Variants in GALNT17 observed in about 807,000 individuals in gnomAD.
GALNT17 encodes the protein polypeptide N-acetylgalactosaminyltransferase 17.
In GALNT17, 29 loss-of-function variants were observed where a neutral mutation model predicts 63.7. The ratio of observed to expected loss-of-function variants is 0.46; its 90% CI spans 0.34 to 0.62. The LOEUF (loss-of-function observed/expected upper bound fraction) is 0.62. GALNT17 is among the 20% of genes least tolerant of loss of function. The pLI is 0.01. For missense variants in GALNT17, 603 were observed against 799.6 expected (o/e 0.75, Z 2.97); for synonymous variants, 305 against 318.3 (o/e 0.96, Z 0.45).
At chr7:71,493,099 A>G (rs2116678512) in intron 5 of GALNT17, among the ~76,000 whole-genome samples, 1 of 152,334 alleles carries the variant, frequency 6.6e-6, no homozygotes, top group Non-Finnish European at 1.5e-5. Flanking sequence ...CAGGTAGTAG[A>G]CTGTCAGGCT....
chr7:71,427,680 T>C (rs748484506), intron 5 of GALNT17, among the ~76,000 whole-genome samples: 6 of 152,078 alleles, frequency 3.9e-5, no homozygotes, highest in Non-Finnish European at 8.8e-5. Context: ...GGACCAGGGC[T>C]GGTCCTGGTC....
At position 71,579,036 on chromosome 7, in the gene GALNT17, C is replaced by T. The variant is rs915054701; in HGVS notation, c.1080+7634C>T. Among the ~76,000 whole-genome samples the T allele has an allele frequency of 5.3e-5, 8 of 152,160 alleles. No homozygotes were observed. In the East Asian group the frequency reaches 1.2e-3, roughly 22 times the overall value. On this transcript the variant is annotated intron_variant, in intron 6 of 10. Coordinates refer to ENST00000333538, the MANE Select transcript of GALNT17 (RefSeq NM_022479.3). The stretch of plus-strand genomic sequence containing the variant: ...CCCAGAGAGGACCAGATGATCAGTC[C>T]GTTTTCATTTTCATACTTTTTAGAT...
chr7:71,207,247 A>G (rs1789289563), intron 1 of GALNT17, among the ~76,000 whole-genome samples: 1 of 152,220 alleles, frequency 6.6e-6, no homozygotes, highest in Non-Finnish European at 1.5e-5. Context: ...ACGTATGTTT[A>G]TATTTTAATG....
At chr7:71,709,734 G>A (rs1003058952) in intron 9 of GALNT17, among the ~76,000 whole-genome samples, 1 of 152,070 alleles carries the variant, frequency 6.6e-6, no homozygotes, top group African/African-American at 2.4e-5. Context: ...GAATAGCTTG[G>A]ATTATAGTTG....
At chr7:71,263,004 G>A (rs1790413714) in intron 1 of GALNT17, among the ~76,000 whole-genome samples, 1 of 152,048 alleles carries the variant, frequency 6.6e-6, no homozygotes, top group African/African-American at 2.4e-5. Flanking sequence ...ATGAGAAGAG[G>A]AAATTTGGAC....
At chr7:71,323,008 GA>G (rs1791643553) in intron 1 of GALNT17, among the ~76,000 whole-genome samples, 2 of 152,136 alleles carry the variant, frequency 1.3e-5, no homozygotes, top group South Asian at 4.1e-4. Flanking sequence ...TAAGATGGCT[GA>G]AGGAGTGGGT....
At chr7:71,608,643 T>C (rs578250632) in intron 6 of GALNT17, among the ~76,000 whole-genome samples, 1 of 152,112 alleles carries the variant, frequency 6.6e-6, no homozygotes, top group South Asian at 2.1e-4. Context: ...ATCCCAGCAT[T>C]TGAGGAGTAG....
At chr7:71,293,165 G>T (rs181826194) in intron 1 of GALNT17, among the ~76,000 whole-genome samples, 34 of 152,250 alleles carry the variant, frequency 2.2e-4, no homozygotes, top group Admixed American at 8.5e-4. Flanking sequence ...TACTGCAGCC[G>T]CTCAGTGTAG....
At chr7:71,450,570 T>G (rs10225351) in intron 5 of GALNT17, among the ~76,000 whole-genome samples, 1 of 152,208 alleles carries the variant, frequency 6.6e-6, no homozygotes, top group Admixed American at 6.5e-5. Context: ...TTAAAGTGTA[T>G]AATTAAATGG....
chr7:71,287,732 A>G (rs1036908027), intron 1 of GALNT17, among the ~76,000 whole-genome samples: 2 of 152,200 alleles, frequency 1.3e-5, no homozygotes, highest in Admixed American at 6.5e-5. Flanking sequence ...CAAGAAGGCT[A>G]CAGAAAATGA....
chr7:71,401,747 C>T (rs1278400997), intron 3 of GALNT17, among the ~76,000 whole-genome samples: 2 of 152,148 alleles, frequency 1.3e-5, no homozygotes, highest in Non-Finnish European at 1.5e-5. Context: ...GTCACTGTGT[C>T]CCAGCACCCC....
intron 5 of GALNT17, among the ~76,000 whole-genome samples, chr7:71,479,050 A>G (rs1787770978): frequency 6.6e-6 from 1 of 152,192 alleles, no homozygotes; most frequent in Non-Finnish European, 1.5e-5. Context: ...GTTTTGTGAA[A>G]TACTAACTGT....
chr7:71,231,716 G>C (rs1017077088), intron 1 of GALNT17, among the ~76,000 whole-genome samples: 1 of 150,720 alleles, frequency 6.6e-6, no homozygotes, highest in African/African-American at 2.4e-5. Flanking sequence ...GAGAAGAGGG[G>C]AGTGGGGGAG....
Position 71,289,283 on chromosome 7 carries a change from A to G in GALNT17, c.239-46267A>G, listed in dbSNP as rs185305591. Among the ~76,000 whole-genome samples, 15 of 151,918 alleles carry G rather than the reference A, an allele frequency of 9.9e-5. No homozygotes were observed. The East Asian group carries it at 2.7e-3, about 27-fold the overall frequency. ...ATTGGGCATAATTAATAAGGAAATA[A>G]TTGAATTAAAATATTCTGGAGATTT... is the stretch of plus-strand genomic sequence containing the variant. On this transcript the variant is annotated intron_variant, in intron 1 of 10. Coordinates refer to ENST00000333538, the MANE Select transcript of GALNT17 (RefSeq NM_022479.3).
intron 1 of GALNT17, among the ~76,000 whole-genome samples, chr7:71,214,587 T>C (rs998637898): frequency 7.9e-5 from 12 of 151,616 alleles, no homozygotes; most frequent in Non-Finnish European, 1.8e-4. Context: ...GGCTTTTTTT[T>C]TTTTTTTGAC....
At chr7:71,316,788 C>T (rs1044866162) in intron 1 of GALNT17, among the ~76,000 whole-genome samples, 1 of 152,158 alleles carries the variant, frequency 6.6e-6, no homozygotes, top group South Asian at 2.1e-4. Context: ...ACGTCCATTC[C>T]CTGAAGCTCC....
intron 1 of GALNT17, among the ~76,000 whole-genome samples, chr7:71,260,617 T>G (rs1309099305): frequency 6.6e-6 from 1 of 151,554 alleles, no homozygotes; most frequent in Non-Finnish European, 1.5e-5. Context: ...TAATCTTTTT[T>G]TTTTTGAGAC....
intron 1 of GALNT17, among the ~76,000 whole-genome samples, chr7:71,216,668 A>G (rs1343000449): frequency 1.6e-5 from 2 of 128,556 alleles, no homozygotes; most frequent in Non-Finnish European, 3.6e-5. Flanking sequence ...ACACATATAT[A>G]CACACAGACA....
intron 1 of GALNT17, among the ~76,000 whole-genome samples, chr7:71,331,087 CAT>C (rs1228522511): frequency 1.3e-5 from 2 of 152,188 alleles, no homozygotes; most frequent in Admixed American, 6.5e-5. Flanking sequence ...TCGTGTACCA[CAT>C]GTGAAGAATG....
Sources: gnomAD v4.1 joint callset for allele counts (sites outside exome capture counted in the v4.1 genomes callset) on GRCh38, gnomAD v4.1.1 for gene constraint, MANE v1.5 for transcripts, NCBI Gene and HGNC (gene_info 2026-07-23, HGNC 2026-07-21) for gene names.